RPF2: variants seen among roughly 807,000 people sequenced by gnomAD.
The protein encoded by RPF2 is brix domain containing 1.
Under a neutral mutation model 38.9 loss-of-function variants are expected in RPF2, and 21 were observed. The observed-to-expected ratio is 0.54, with a 90% CI of 0.38 to 0.78. The LOEUF (loss-of-function observed/expected upper bound fraction) is 0.78, where lower values mean the gene tolerates loss of function less well. Among genes scored for constraint, RPF2 ranks in the 30% least tolerant of loss-of-function variants. The pLI is 0.00. For synonymous variants in RPF2, 121 were observed against 126.2 expected (o/e 0.96, Z 0.28); for missense variants, 314 against 358.1 (o/e 0.88, Z 0.99).
rs909386671 is a variant in RPF2 at position 111,028,050 on chromosome 6, A to G, written c.*2468A>G. On this transcript the variant is annotated 3_prime_UTR_variant, in exon 10 of 10. Coordinates refer to ENST00000441448, the MANE Select transcript of RPF2 (RefSeq NM_032194.3). Reference sequence around the variant, plus strand: ...GGTAGATGAGGAAAGCATTTTGGTTATTTGTTTTGTTTTAAATACCAAATT... The same window carrying G: ...GGTAGATGAGGAAAGCATTTTGGTTGTTTGTTTTGTTTTAAATACCAAATT... The G allele has an allele frequency of 6.6e-6, 1 of 151,842 alleles. No individual in the cohort carries two copies. Among genetic ancestry groups the G allele is most frequent in the Non-Finnish European group, 1.5e-5 (1 of 67,922 alleles). The allele number at this position is 151,842 out of a possible 1,614,324, so 9.4% of individuals were successfully genotyped here. A position where few individuals can be genotyped will look rare whatever the true frequency, so the allele number is the denominator to read the frequency against.
In RPF2 at chr6:111,025,834, G is replaced by T. The variant is rs924955722; in HGVS notation, c.*252G>T. ...CTCCACAAATTCTTCTTTCTCATTG[G>T]GTGGATGGATGGGTGAGGAGGGATC... On this transcript the variant is annotated 3_prime_UTR_variant, in exon 10 of 10. Transcript: ENST00000441448. 6 of 260,260 alleles carry T rather than the reference G, an allele frequency of 2.3e-5. No individual in the cohort carries two copies. Among genetic ancestry groups the T allele is most frequent in the Admixed American group, 9.9e-5 (2 of 20,216 alleles). 16.1% of individuals were successfully genotyped at this position (260,260 alleles called of 1,614,324 possible). A position where few individuals can be genotyped will look rare whatever the true frequency, so the allele number is the denominator to read the frequency against.
In RPF2 at chr6:111,027,845, T is replaced by C. The variant is rs1772361660; in HGVS notation, c.*2263T>C. 6.6e-6 allele frequency: 1 copy of C among 152,226 alleles called. No individual in the cohort carries two copies. Among genetic ancestry groups the C allele is most frequent in the Non-Finnish European group, 1.5e-5 (1 of 68,040 alleles). 9.4% of individuals were successfully genotyped at this position (152,226 alleles called of 1,614,324 possible). ...CAAAGACTTTTTGTTGAGAACACCTTGTAGTGTTGTACTATCTGGAACTCT... is the reference window on the plus strand; with the variant it reads ...CAAAGACTTTTTGTTGAGAACACCTCGTAGTGTTGTACTATCTGGAACTCT... On this transcript the variant is annotated 3_prime_UTR_variant, in exon 10 of 10. Coordinates refer to ENST00000441448, the MANE Select transcript of RPF2 (RefSeq NM_032194.3).
intron 8 of RPF2, among the ~76,000 whole-genome samples, chr6:111,022,794 G>A (rs1046674281): frequency 8.5e-5 from 13 of 152,232 alleles, no homozygotes; most frequent in African/African-American, 2.4e-5. Context: ...GATATGCCAT[G>A]AGCTGTTTTG....
intron 8 of RPF2, among the ~76,000 whole-genome samples, chr6:111,019,441 A>C (rs1297559298): frequency 6.6e-6 from 1 of 152,106 alleles, no homozygotes; most frequent in African/African-American, 2.4e-5. Context: ...CTGTCTGAAA[A>C]AAACAAAACA....
chr6:110,985,579 A>G (rs1248424507), intron 2 of RPF2, among the ~76,000 whole-genome samples: 2 of 152,166 alleles, frequency 1.3e-5, no homozygotes, highest in Non-Finnish European at 2.9e-5. Context: ...AGAGATAGAC[A>G]TGTAAAAAGT....
chr6:111,003,246 C>A (rs1344313746), intron 6 of RPF2, among the ~76,000 whole-genome samples: 2 of 152,130 alleles, frequency 1.3e-5, no homozygotes, highest in Non-Finnish European at 2.9e-5. Context: ...TCTTACCTCA[C>A]CTACCTACTT....
intron 5 of RPF2, among the ~76,000 whole-genome samples, chr6:110,999,010 T>A (rs1318110890): frequency 6.6e-6 from 1 of 151,744 alleles, no homozygotes; most frequent in African/African-American, 2.4e-5. Flanking sequence ...AATATGACCC[T>A]ACCAATACAG....
At chr6:111,003,592 G>A (rs1422947098) in intron 6 of RPF2, among the ~76,000 whole-genome samples, 2 of 152,122 alleles carry the variant, frequency 1.3e-5, no homozygotes, top group African/African-American at 2.4e-5. Context: ...ATGGCCATAC[G>A]TCAAAGGATG....
At chr6:110,990,619 CTT>C (rs1282197761) in intron 3 of RPF2, among the ~76,000 whole-genome samples, 3 of 134,014 alleles carry the variant, frequency 2.2e-5, no homozygotes, top group African/African-American at 8.1e-5. Context: ...GAGTCTCACT[CTT>C]TCACCCAGCC....
intron 6 of RPF2, among the ~76,000 whole-genome samples, chr6:111,006,337 C>T (rs550867764): frequency 2.0e-5 from 3 of 151,938 alleles, no homozygotes; most frequent in South Asian, 2.1e-4. Flanking sequence ...TGGGTTCAAA[C>T]GATTATCCTA....
At chr6:111,009,581 A>T (rs753364259) in intron 7 of RPF2, among the ~76,000 whole-genome samples, 5 of 152,156 alleles carry the variant, frequency 3.3e-5, no homozygotes, top group Non-Finnish European at 5.9e-5. Flanking sequence ...TCTAACAAGA[A>T]CCTTGTGAGG....
In RPF2 at chr6:111,025,528, A is replaced by C. The variant is rs747583194; in HGVS notation, c.867A>C (p.Ala289=). Residue 289 remains alanine, a synonymous_variant, in exon 10 of 10, where the codon GCA becomes GCC. Transcript: ENST00000441448. ...TGAAGGGGTTGAAGAAGCGACCTGC[A>C]GAAAGGATAACAGAAGACCACGAGA... ...RKMKGLKKRP[A]ERITEDHEKK... 23 of 1,613,546 alleles carry C rather than the reference A, an allele frequency of 1.4e-5. No homozygotes were observed. Among genetic ancestry groups the C allele is most frequent in the South Asian group, 1.3e-4 (12 of 90,918 alleles).
intron 6 of RPF2, among the ~76,000 whole-genome samples, chr6:111,003,874 G>A (rs9398261): frequency 0.13 from 19,560 of 151,936 alleles, 1,710 homozygotes; most frequent in East Asian, 0.49. Flanking sequence ...GTGCAATGGC[G>A]TGATCTCGGC....
At position 111,008,097 on chromosome 6, in the gene RPF2, T is replaced by C. The variant is rs762886274; in HGVS notation, c.453T>C (p.Asp151=). 2.5e-6 allele frequency: 4 copies of C among 1,605,986 alleles called. No homozygotes were observed. The highest frequency in any genetic ancestry group is 2.2e-5 in the South Asian group (2 of 89,518). The change falls in exon 7 of 10, where the codon GAT becomes GAC. Residue 151 remains aspartate (D), a synonymous_variant. Coordinates refer to ENST00000441448, the MANE Select transcript of RPF2 (RefSeq NM_032194.3). ...PMLIFAGDDF[D]VTEDYRRLKS... is the part of the protein sequence containing the mutation. ...TGATATTTGCTGGCGATGATTTCGA[T>C]GTAACAGAAGATTATAGAAGACTAA...
chr6:110,991,709 T>G (rs781171954), intron 3 of RPF2, 38 bp from the exon 4 acceptor site: 1 of 777,996 alleles, frequency 1.3e-6, no homozygotes, highest in Admixed American at 2.8e-5. Context: ...ATATACTTAT[T>G]TAGATTATTA....
At position 111,027,606 on chromosome 6, in the gene RPF2, A is replaced by G. The variant is rs1772356719; in HGVS notation, c.*2024A>G. ...AGACCTACCCCAGCACTACTGGAAAATCAGCCAATCTTAACCCAAAGATGG... is the reference window on the plus strand; with the variant it reads ...AGACCTACCCCAGCACTACTGGAAAGTCAGCCAATCTTAACCCAAAGATGG... On this transcript the variant is annotated 3_prime_UTR_variant, in exon 10 of 10. Coordinates refer to ENST00000441448, the MANE Select transcript of RPF2 (RefSeq NM_032194.3). 1 of 152,176 alleles carries G rather than the reference A, an allele frequency of 6.6e-6. No homozygotes were observed. The highest frequency in any genetic ancestry group is 2.1e-4 in the South Asian group (1 of 4,830). 9.4% of individuals were successfully genotyped at this position (152,176 alleles called of 1,614,324 possible).
chr6:110,999,084 C>T (rs995290979), intron 5 of RPF2, among the ~76,000 whole-genome samples: 5 of 152,054 alleles, frequency 3.3e-5, no homozygotes, highest in East Asian at 3.8e-4. Flanking sequence ...TCTTAGAATG[C>T]CTTTTCCTTC....
rs13362799 is a variant in RPF2, at chr6:111,019,755, T to C, written c.596+3899T>C. Among the ~76,000 whole-genome samples, 1,337 of 152,068 alleles carry C rather than the reference T, an allele frequency of 8.8e-3. 21 individuals carry two copies. Among genetic ancestry groups the C allele is most frequent in the African/African-American group, 0.031 (1,280 of 41,494 alleles). On this transcript the variant is annotated intron_variant, in intron 8 of 9. Coordinates refer to ENST00000441448, the MANE Select transcript of RPF2 (RefSeq NM_032194.3). The stretch of plus-strand genomic sequence containing the variant: ...ATAAAGTAATAAAATAAAATAAAAA[T>C]TGTATAAAATTACCTTCAGGCTATG...
intron 6 of RPF2, among the ~76,000 whole-genome samples, chr6:111,007,682 C>T (rs1349403444): frequency 6.6e-6 from 1 of 152,146 alleles, no homozygotes; most frequent in Non-Finnish European, 1.5e-5. Flanking sequence ...CAGTGGCTCT[C>T]ACCTGTAATC....
Sources: allele counts gnomAD v4.1 joint callset (sites outside exome capture counted in the v4.1 genomes callset), GRCh38; gene constraint gnomAD v4.1.1; transcripts MANE v1.5; gene names NCBI Gene and HGNC (gene_info 2026-07-23, HGNC 2026-07-21).